The following LRP1B variants were observed in gnomAD, a reference collection of about 807,000 sequenced individuals.
LRP1B encodes the protein low-density lipoprotein receptor-related protein 1B.
Under a neutral mutation model 556.6 loss-of-function variants are expected in LRP1B, and 217 were observed. The ratio of observed to expected loss-of-function variants is 0.39; its 90% CI spans 0.35 to 0.44. The LOEUF is 0.44. Among genes scored for constraint, LRP1B ranks in the 20% least tolerant of loss-of-function variants. The probability of loss-of-function intolerance (pLI) is 1.00; values close to 1 mark genes in which losing one functional copy is unlikely to be tolerated. For synonymous variants in LRP1B, 2,047 were observed against 1,865.8 expected, an observed-to-expected ratio of 1.10 and a Z score of -2.50; for missense variants, 5,053 against 5,620.8, an observed-to-expected ratio of 0.90 and a Z score of 3.23.
At chr2:141,587,560 G>C (rs538062493) in intron 2 of LRP1B, among the ~76,000 whole-genome samples, 1 of 152,218 alleles carries the variant, frequency 6.6e-6, no homozygotes, top group African/African-American at 2.4e-5. Flanking sequence ...TCTTCAATTA[G>C]GTTGTTCTGT....
chr2:141,437,715 CT>C (rs1466699956), intron 3 of LRP1B, among the ~76,000 whole-genome samples: 16 of 151,796 alleles, frequency 1.1e-4, no homozygotes, highest in Admixed American at 6.6e-4. Context: ...GCAGCATTGT[CT>C]TTTCAGCATC....
At chr2:141,877,559 T>C (rs1698812048) in intron 1 of LRP1B, among the ~76,000 whole-genome samples, 1 of 151,992 alleles carries the variant, frequency 6.6e-6, no homozygotes, top group Non-Finnish European at 1.5e-5. Flanking sequence ...GAAGGTGATA[T>C]TGTCACTGAA....
chr2:141,438,182 T>C (rs1372954968), intron 3 of LRP1B, among the ~76,000 whole-genome samples: 1 of 152,168 alleles, frequency 6.6e-6, no homozygotes, highest in Non-Finnish European at 1.5e-5. Context: ...CATATCAGGA[T>C]AGTCGATGCT....
chr2:140,731,394 A>G (rs1687770110), intron 35 of LRP1B, among the ~76,000 whole-genome samples: 1 of 152,236 alleles, frequency 6.6e-6, no homozygotes, highest in Non-Finnish European at 1.5e-5. Context: ...AGTGAATAGT[A>G]TAAGAGTTAT....
At chr2:140,700,752 G>A in intron 40 of LRP1B, 131 bp from the exon 41 acceptor site, 1 of 937,886 alleles carries the variant, frequency 1.1e-6, no homozygotes. Context: ...TTTTAAGCTG[G>A]TCAATAAAAA....
chr2:141,223,740 C>T (rs1683133752), intron 6 of LRP1B, among the ~76,000 whole-genome samples: 1 of 152,100 alleles, frequency 6.6e-6, no homozygotes, highest in African/African-American at 2.4e-5. Flanking sequence ...ACATCTACAA[C>T]CATTAGATCT....
At chr2:141,328,033 C>T (rs187489219) in intron 3 of LRP1B, among the ~76,000 whole-genome samples, 1 of 152,138 alleles carries the variant, frequency 6.6e-6, no homozygotes, top group East Asian at 1.9e-4. Context: ...AGTAAGATAT[C>T]ATGAATCTAA....
At chr2:141,185,697 C>CAAAAAAAAAAAAAAACA (rs533419513) in intron 7 of LRP1B, among the ~76,000 whole-genome samples, 5 of 77,784 alleles carry the variant, frequency 6.4e-5, no homozygotes, top group Non-Finnish European at 1.5e-4. Context: ...CAAAAAAAAA[C>CAAAAAAAAAAAAAAACA]AAAAAAAAAA....
intron 2 of LRP1B, among the ~76,000 whole-genome samples, chr2:141,558,010 C>T (rs1686023502): frequency 6.6e-6 from 1 of 151,864 alleles, no homozygotes; most frequent in Non-Finnish European, 1.5e-5. Context: ...CCTAAATTAC[C>T]CAGGAATCTG....
intron 9 of LRP1B, among the ~76,000 whole-genome samples, chr2:141,056,591 T>C (rs954474109): frequency 4.0e-5 from 6 of 151,884 alleles, no homozygotes; most frequent in African/African-American, 1.4e-4. Context: ...CTATGGTCAA[T>C]TGGATTTAAG....
At chr2:141,622,257 AT>A (rs1688531298) in intron 2 of LRP1B, among the ~76,000 whole-genome samples, 1 of 152,186 alleles carries the variant, frequency 6.6e-6, no homozygotes, top group Non-Finnish European at 1.5e-5. Flanking sequence ...TTATTTCTAA[AT>A]TTTAAAAAAT....
intron 1 of LRP1B, among the ~76,000 whole-genome samples, chr2:142,009,494 G>A (rs1036325555): frequency 6.6e-6 from 1 of 152,008 alleles, no homozygotes; most frequent in South Asian, 2.1e-4. Flanking sequence ...TCTCTATAAG[G>A]TGCTAGGCCT....
intron 37 of LRP1B, among the ~76,000 whole-genome samples, chr2:140,708,538 A>G (rs1189728043): frequency 6.6e-6 from 1 of 150,698 alleles, no homozygotes; most frequent in East Asian, 1.9e-4. Context: ...ATAATATTTC[A>G]TAGCACATTA....
chr2:140,242,422 T>C (rs1163402421), intron 87 of LRP1B, among the ~76,000 whole-genome samples: 2 of 151,120 alleles, frequency 1.3e-5, no homozygotes, highest in Non-Finnish European at 3.0e-5. Flanking sequence ...GTGCAGTCCT[T>C]AGGATGTCAT....
rs71391671 is a variant in LRP1B at position 142,006,976 on chromosome 2, AT to A, written c.82+123671del. Among the ~76,000 whole-genome samples the A allele has an allele frequency of 3.8e-3, 571 of 151,914 alleles. 2 individuals carry two copies. The highest frequency in any genetic ancestry group is 0.012 in the African/African-American group (501 of 41,464). The stretch of plus-strand genomic sequence containing the variant: ...TAAAGTTTAAGAATTAGAAGACCTG[AT>A]TTTTTTTTCTCAGTAATTAGCTTGT... On this transcript the variant is annotated intron_variant, in intron 1 of 90. Transcript: ENST00000389484.
intron 49 of LRP1B, among the ~76,000 whole-genome samples, chr2:140,524,041 C>A (rs1015754946): frequency 2.0e-5 from 3 of 151,418 alleles, no homozygotes; most frequent in Non-Finnish European, 3.0e-5. Flanking sequence ...TAAACAGGTA[C>A]CCTGGGAGAA....
chr2:140,432,960 A>G (rs769094881), intron 66 of LRP1B, among the ~76,000 whole-genome samples: 7 of 152,240 alleles, frequency 4.6e-5, no homozygotes, highest in Non-Finnish European at 1.0e-4. Context: ...TTTTAATCTA[A>G]TAATGTTCAG....
chr2:141,224,981 TTAAAAA>T (rs1274029714), intron 6 of LRP1B, among the ~76,000 whole-genome samples: 1 of 152,164 alleles, frequency 6.6e-6, no homozygotes, highest in African/African-American at 2.4e-5. Context: ...TGAAATTAAA[TTAAAAA>T]TAAAAGATAA....
chr2:140,456,471 T>C lies in LRP1B; in HGVS notation c.9947A>G (p.Asn3316Ser). Residue 3316 changes from asparagine (N) to serine (S), a missense_variant, in exon 62 of 91, where the codon AAC (asparagine) becomes AGC (serine). Around this residue, in one of 5 missense-constraint regions of LRP1B, gnomAD observed 262 missense variants for 395.1 expected, o/e 0.66. Coordinates refer to ENST00000389484, the MANE Select transcript of LRP1B (RefSeq NM_018557.3). ...LAADNRTCLS[N>S]CTASQFRCKT... Reference sequence around the variant, plus strand: ...TCCACTCACCTGGCTGGCTGTGCAGTTGGATAAGCAAGTCCTATTATCAGC... The same window carrying C: ...TCCACTCACCTGGCTGGCTGTGCAGCTGGATAAGCAAGTCCTATTATCAGC... The C allele has an allele frequency of 6.2e-7, 1 of 1,613,062 alleles. No individual in the cohort carries two copies. The highest frequency in any genetic ancestry group is 8.5e-7 in the Non-Finnish European group (1 of 1,179,388).
Sources: gnomAD v4.1 joint callset for allele counts (sites outside exome capture counted in the v4.1 genomes callset) on GRCh38, gnomAD v4.1.1 for gene constraint, gnomAD v4.1.1 regional missense constraint, MANE v1.5 for transcripts, NCBI Gene and HGNC (gene_info 2026-07-23, HGNC 2026-07-21) for gene names.